Variants in TMEM182 observed in about 807,000 individuals in gnomAD.
TMEM182 encodes transmembrane protein 182.
In TMEM182, 20 loss-of-function variants were observed where a neutral mutation model predicts 26.8. That is an observed-to-expected ratio of 0.75 (90% CI 0.53 to 1.09). The LOEUF (loss-of-function observed/expected upper bound fraction) is 1.09, where lower values mean the gene tolerates loss of function less well. Ranked by LOEUF, TMEM182 falls within the 50% of genes least tolerant of loss-of-function variation. The pLI, the probability that TMEM182 is intolerant of heterozygous loss-of-function variation, is 0.00. For missense variants in TMEM182, 277 were observed against 275.5 expected, an observed-to-expected ratio of 1.01 and a Z score of -0.04; for synonymous variants, 109 against 102.2, an observed-to-expected ratio of 1.07 and a Z score of -0.40.
intron 1 of TMEM182, among the ~76,000 whole-genome samples, chr2:102,756,311 G>A (rs1181485201): frequency 6.6e-6 from 1 of 152,108 alleles, no homozygotes; most frequent in Non-Finnish European, 1.5e-5. Context: ...ACCTAAAGTG[G>A]AATATAAAGC....
chr2:102,783,573 CTG>C (rs1392766900), intron 3 of TMEM182, among the ~76,000 whole-genome samples: 2 of 152,180 alleles, frequency 1.3e-5, no homozygotes, highest in East Asian at 3.9e-4. Flanking sequence ...AGAGCCAAGT[CTG>C]TAAAAGATGC....
chr2:102,825,034 G>T (rs576869337), intron 3 of TMEM182, among the ~76,000 whole-genome samples: 113 of 152,152 alleles, frequency 7.4e-4, no homozygotes, highest in African/African-American at 2.5e-3. Flanking sequence ...ATTCCAAATT[G>T]CTTTCATAAC....
chr2:102,755,189 AAC>A (rs1462062458), intron 1 of TMEM182, among the ~76,000 whole-genome samples: 1 of 152,232 alleles, frequency 6.6e-6, no homozygotes, highest in Non-Finnish European at 1.5e-5. Context: ...AAAAAAGGAT[AAC>A]CAGTGAGGTC....
At chr2:102,784,221 T>G (rs1055254861) in intron 3 of TMEM182, among the ~76,000 whole-genome samples, 2 of 152,184 alleles carry the variant, frequency 1.3e-5, no homozygotes, top group Non-Finnish European at 2.9e-5. Context: ...ATTTCCCCAC[T>G]GGGTAGACTA....
At chr2:102,738,723 T>G (rs1164348762) in intron 1 of TMEM182, among the ~76,000 whole-genome samples, 1 of 152,156 alleles carries the variant, frequency 6.6e-6, no homozygotes, top group African/African-American at 2.4e-5. Flanking sequence ...TTAGGCAGAA[T>G]TCACTAGTAT....
chr2:102,747,889 C>T (rs927466606), intron 1 of TMEM182, among the ~76,000 whole-genome samples: 1 of 152,196 alleles, frequency 6.6e-6, no homozygotes, highest in Admixed American at 6.5e-5. Context: ...AACAGGCTAC[C>T]TCCTCTGCTG....
chr2:102,764,281 G>T, intron 2 of TMEM182, 48 bp from the exon 3 acceptor site: 1 of 1,571,622 alleles, frequency 6.4e-7, no homozygotes, highest in South Asian at 1.1e-5. Context: ...GATGAGTCAT[G>T]ACTGAGCTTT....
At chr2:102,839,111 C>T (rs1683302202) in intron 3 of TMEM182, among the ~76,000 whole-genome samples, 1 of 152,140 alleles carries the variant, frequency 6.6e-6, no homozygotes, top group African/African-American at 2.4e-5. Context: ...TCTGCATGAG[C>T]ACTAGGTGAC....
At position 102,815,932 on chromosome 2, in the gene TMEM182, A is replaced by G. The variant is rs1376228106; in HGVS notation, c.*964A>G. On this transcript the variant is annotated 3_prime_UTR_variant, in exon 5 of 5. Transcript: ENST00000412401. ...CCTGCTTTATTAAAGACCATAAAATATTAACTTTCCCCAAGATGTTATGGG... is the reference window on the plus strand; with the variant it reads ...CCTGCTTTATTAAAGACCATAAAATGTTAACTTTCCCCAAGATGTTATGGG... 6 of 978,822 alleles carry G rather than the reference A, an allele frequency of 6.1e-6. No individual in the cohort carries two copies. The highest frequency in any genetic ancestry group is 7.3e-6 in the Non-Finnish European group (6 of 824,090). The allele number at this position is 978,822 out of a possible 1,614,324, so 60.6% of individuals were successfully genotyped here.
chr2:102,816,534 TA>T lies in TMEM182; in HGVS notation c.*1568del. 1 of 963,534 alleles carries T rather than the reference TA, an allele frequency of 1.0e-6. No individual in the cohort carries two copies. The highest frequency in any genetic ancestry group is 1.2e-6 in the Non-Finnish European group (1 of 811,802). The allele number at this position is 963,534 out of a possible 1,614,324, so 59.7% of individuals were successfully genotyped here. ...CCAATAATAATAATAATAATAATAA[TA>T]ATAATAATAATAAAGCTCCAGAGGC... On this transcript the variant is annotated 3_prime_UTR_variant, in exon 5 of 5. Transcript: ENST00000412401.
At chr2:102,764,621 A>G (rs1680355620) in intron 3 of TMEM182, among the ~76,000 whole-genome samples, 194 bp downstream of exon 3, 1 of 152,184 alleles carries the variant, frequency 6.6e-6, no homozygotes, top group African/African-American at 2.4e-5. Flanking sequence ...CTTTGATCTA[A>G]AAGTAAAGTC....
intron 3 of TMEM182, among the ~76,000 whole-genome samples, chr2:102,832,416 A>C (rs749430836): frequency 1.3e-5 from 2 of 152,206 alleles, no homozygotes; most frequent in Non-Finnish European, 2.9e-5. Context: ...CTTGAGTATC[A>C]TTCTTTGAAG....
Position 102,736,972 on chromosome 2 carries a change from C to G in TMEM182, c.-124C>G, listed in dbSNP as rs907894385. ...GCGTGGCCGGTGCTGGCTGGGAGTTCTGGTCTCAGGCAAGGTGGGGACTGG... is the reference window on the plus strand; with the variant it reads ...GCGTGGCCGGTGCTGGCTGGGAGTTGTGGTCTCAGGCAAGGTGGGGACTGG... On this transcript the variant is annotated 5_prime_UTR_variant, in exon 1 of 6. Coordinates refer to the TMEM182 transcript ENST00000409173. 8.8e-6 allele frequency: 7 copies of G among 799,536 alleles called. No individual in the cohort carries two copies. In the East Asian group the frequency reaches 2.0e-4, roughly 23 times the overall value. 49.5% of individuals were successfully genotyped at this position (799,536 alleles called of 1,614,324 possible).
intron 2 of TMEM182, 52 bp downstream of exon 2, chr2:102,762,738 C>T: frequency 6.9e-7 from 1 of 1,444,388 alleles, no homozygotes; most frequent in Non-Finnish European, 9.7e-7. Flanking sequence ...TAAAAATGAA[C>T]AGTTTCTTAC....
At chr2:102,745,905 G>A (rs1679682182) in intron 1 of TMEM182, among the ~76,000 whole-genome samples, 2 of 152,132 alleles carry the variant, frequency 1.3e-5, no homozygotes, top group South Asian at 2.1e-4. Context: ...GAATAATGCT[G>A]CTATGAACAT....
chr2:102,763,914 T>A (rs546300933), intron 2 of TMEM182, among the ~76,000 whole-genome samples: 2 of 152,302 alleles, frequency 1.3e-5, no homozygotes, highest in Admixed American at 6.5e-5. Flanking sequence ...TATAGAAGAA[T>A]TTTTTTATTA....
intron 3 of TMEM182, among the ~76,000 whole-genome samples, chr2:102,841,693 G>A (rs553198601): frequency 2.5e-4 from 38 of 152,302 alleles, no homozygotes; most frequent in African/African-American, 7.7e-4. Context: ...GGACGTTAAA[G>A]GGATAGATAG....
intron 3 of TMEM182, among the ~76,000 whole-genome samples, chr2:102,772,669 T>C (rs952473749): frequency 6.6e-6 from 1 of 152,184 alleles, no homozygotes; most frequent in African/African-American, 2.4e-5. Context: ...CATCACTTTG[T>C]CTTAAGAACA....
chr2:102,788,018 G>A (rs1270996305), intron 3 of TMEM182, among the ~76,000 whole-genome samples: 4 of 152,292 alleles, frequency 2.6e-5, no homozygotes, highest in African/African-American at 9.6e-5. Context: ...GCATATCACA[G>A]TGTCCCAGTG....
Sources: gnomAD v4.1 joint callset for allele counts (sites outside exome capture counted in the v4.1 genomes callset) on GRCh38, gnomAD v4.1.1 for gene constraint, MANE v1.5 for transcripts, NCBI Gene and HGNC (gene_info 2026-07-23, HGNC 2026-07-21) for gene names.